Variants in CLPB observed in about 807,000 individuals in gnomAD.
The protein encoded by CLPB is ClpB family mitochondrial disaggregase, also known as mitochondrial disaggregase.
Under a neutral mutation model 78.4 loss-of-function variants are expected in CLPB, and 40 were observed. The ratio of observed to expected loss-of-function variants is 0.51; its 90% CI spans 0.40 to 0.66. The LOEUF is 0.66. Ranked by LOEUF, CLPB falls within the 30% of genes least tolerant of loss-of-function variation. The pLI is 0.00. For missense variants in CLPB, 780 were observed against 886.9 expected (o/e 0.88, Z 1.53); for synonymous variants, 333 against 348.0 (o/e 0.96, Z 0.48).
chr11:72,420,782 A>C (rs1856172632), intron 2 of CLPB, among the ~76,000 whole-genome samples: 1 of 152,216 alleles, frequency 6.6e-6, no homozygotes, highest in Admixed American at 6.5e-5. Flanking sequence ...CGTTTTTTAA[A>C]GCATCTCCAG....
At chr11:72,404,484 AC>A (rs2135088058) in intron 2 of CLPB, among the ~76,000 whole-genome samples, 1 of 152,366 alleles carries the variant, frequency 6.6e-6, no homozygotes, top group South Asian at 2.1e-4. Flanking sequence ...AACATCATGT[AC>A]TAAGGCTTCT....
At chr11:72,348,649 C>G (rs1190701253) in intron 5 of CLPB, among the ~76,000 whole-genome samples, 1 of 152,178 alleles carries the variant, frequency 6.6e-6, no homozygotes, top group Non-Finnish European at 1.5e-5. Context: ...GCTGTTAATT[C>G]TGGCCCTTGC....
chr11:72,365,505 G>A (rs1950926018), intron 4 of CLPB, among the ~76,000 whole-genome samples: 1 of 152,128 alleles, frequency 6.6e-6, no homozygotes, highest in African/African-American at 2.4e-5. Context: ...TGTCATAATA[G>A]TTTGCACAAC....
At position 72,287,729 on chromosome 11, in the gene CLPB, T is replaced by C. The variant is rs1422021793; in HGVS notation, c.*5638A>G. 1 of 152,244 alleles carries C rather than the reference T, an allele frequency of 6.6e-6. No individual in the cohort carries two copies. Among genetic ancestry groups the C allele is most frequent in the Non-Finnish European group, 1.5e-5 (1 of 68,048 alleles). The allele number at this position is 152,244 out of a possible 1,614,324, so 9.4% of individuals were successfully genotyped here. On this transcript the variant is annotated 3_prime_UTR_variant, in exon 16 of 16. Coordinates refer to ENST00000538039, the MANE Select transcript of CLPB (RefSeq NM_001258392.3). ...TCTTCTTGGGTAACCAACTGGCCTATTCAAACTATTTCTAGGATCAGTGTT... is the reference window on the plus strand; with the variant it reads ...TCTTCTTGGGTAACCAACTGGCCTACTCAAACTATTTCTAGGATCAGTGTT...
rs145227745 is a variant in CLPB at position 72,299,551 on chromosome 11, T to G, written c.1329+2252A>C. 3.2e-3 allele frequency among the ~76,000 whole-genome samples: 489 copies of G among 152,046 alleles called. 4 individuals carry two copies. Among genetic ancestry groups the G allele is most frequent in the African/African-American group, 0.011 (466 of 41,466 alleles). ...TTTCATGCCCTGTACTTTTATACAT[T>G]AGGTTTCTACTGCCAGCCCCGCCAC... On this transcript the variant is annotated intron_variant, in intron 11 of 15. Coordinates refer to ENST00000538039, the MANE Select transcript of CLPB (RefSeq NM_001258392.3).
intron 5 of CLPB, among the ~76,000 whole-genome samples, chr11:72,345,694 C>T (rs541631394): frequency 1.3e-5 from 2 of 152,052 alleles, no homozygotes; most frequent in African/African-American, 2.4e-5. Flanking sequence ...AATCAGGATA[C>T]GTAGGGGAGA....
chr11:72,293,131 T>C lies in CLPB; in HGVS notation c.*236A>G. 2 of 488,626 alleles carry C rather than the reference T, an allele frequency of 4.1e-6. No individual in the cohort carries two copies. Among genetic ancestry groups the C allele is most frequent in the Non-Finnish European group, 7.3e-6 (2 of 272,594 alleles). The allele number at this position is 488,626 out of a possible 1,614,324, so 30.3% of individuals were successfully genotyped here. A position where few individuals can be genotyped will look rare whatever the true frequency, so the allele number is the denominator to read the frequency against. Reference sequence around the variant, plus strand: ...TTGAAGGGGGTGGAAAGGCAGCTCCTCTCCTGAAGGCTTGTTAGCAGGTTA... The same window carrying C: ...TTGAAGGGGGTGGAAAGGCAGCTCCCCTCCTGAAGGCTTGTTAGCAGGTTA... On this transcript the variant is annotated 3_prime_UTR_variant, in exon 16 of 16. Coordinates refer to ENST00000538039, the MANE Select transcript of CLPB (RefSeq NM_001258392.3).
At chr11:72,344,174 AC>A (rs1156745904) in intron 5 of CLPB, among the ~76,000 whole-genome samples, 2 of 152,160 alleles carry the variant, frequency 1.3e-5, no homozygotes, top group Non-Finnish European at 2.9e-5. Context: ...TATACTGCTG[AC>A]CAATCTTGCC....
At chr11:72,299,957 G>A (rs1949625641) in intron 11 of CLPB, among the ~76,000 whole-genome samples, 1 of 152,130 alleles carries the variant, frequency 6.6e-6, no homozygotes. Context: ...TGTTTTTTGG[G>A]CCAAGAATGC....
intron 2 of CLPB, among the ~76,000 whole-genome samples, chr11:72,420,068 AGGC>A (rs1358627450): frequency 6.6e-6 from 1 of 152,246 alleles, no homozygotes; most frequent in Non-Finnish European, 1.5e-5. Flanking sequence ...ACTTTTAGCC[AGGC>A]GTGGTGGCTC....
intron 6 of CLPB, among the ~76,000 whole-genome samples, chr11:72,324,360 G>C (rs1461148553): frequency 6.6e-6 from 1 of 152,128 alleles, no homozygotes; most frequent in Admixed American, 6.5e-5. Context: ...TTGAGGCCAG[G>C]AGTTTGAGAC....
In CLPB at chr11:72,294,373, C is replaced by T; in HGVS notation, c.1632G>A (p.Ser544=). The T allele has an allele frequency of 3.7e-6, 6 of 1,614,216 alleles. No individual in the cohort carries two copies. Among genetic ancestry groups the T allele is most frequent in the South Asian group, 1.1e-5 (1 of 91,082 alleles). ...EIVYFLPFCH[S]ELIQLVNKEL... is the part of the protein sequence containing the mutation. ...CCTTGTTGACGAGTTGGATGAGCTC[C>T]GAGTGGCAGAAGGGGAGGAAGTAGA... Residue 544 remains serine (S), a synonymous_variant, in exon 14 of 16, where the codon TCG becomes TCA. Transcript: ENST00000538039.
chr11:72,367,178 T>TATATAATAAATATATTA (rs1950960471), intron 4 of CLPB, among the ~76,000 whole-genome samples: 1 of 152,110 alleles, frequency 6.6e-6, no homozygotes, highest in Non-Finnish European at 1.5e-5. Context: ...TATTATTATT[T>TATATAATAAATATATTA]TTTGAGATGG....
At chr11:72,357,700 GAAAAAAA>G (rs747456359) in intron 5 of CLPB, among the ~76,000 whole-genome samples, 3 of 43,882 alleles carry the variant, frequency 6.8e-5, no homozygotes, top group East Asian at 6.1e-4. Flanking sequence ...CCGTGTCCCA[GAAAAAAA>G]AAAAAAAAAA....
At chr11:72,396,721 C>T (rs1371988732) in intron 3 of CLPB, among the ~76,000 whole-genome samples, 1 of 152,064 alleles carries the variant, frequency 6.6e-6, no homozygotes, top group Non-Finnish European at 1.5e-5. Context: ...TCTTCATTCC[C>T]TACTAAAAAT....
chr11:72,306,980 T>A (rs1344126143), intron 9 of CLPB, among the ~76,000 whole-genome samples: 1 of 152,204 alleles, frequency 6.6e-6, no homozygotes, highest in African/African-American at 2.4e-5. Flanking sequence ...ATTCCTATTT[T>A]ACAGATGAAG....
intron 7 of CLPB, among the ~76,000 whole-genome samples, chr11:72,309,470 C>T (rs927202161): frequency 2.0e-5 from 3 of 152,148 alleles, no homozygotes; most frequent in Non-Finnish European, 4.4e-5. Flanking sequence ...ATGCACTGAA[C>T]ATGCTGTATG....
rs555302777 is a variant in CLPB, at chr11:72,404,209, A to G, written c.456-1157T>C. Among the ~76,000 whole-genome samples, 4 of 152,318 alleles carry G rather than the reference A, an allele frequency of 2.6e-5. No individual in the cohort carries two copies. In the East Asian group the frequency reaches 7.7e-4, roughly 29 times the overall value. On this transcript the variant is annotated intron_variant, in intron 2 of 15. Coordinates refer to ENST00000538039, the MANE Select transcript of CLPB (RefSeq NM_001258392.3). Reference sequence around the variant, plus strand: ...TATGACATGCACTTGGTCCCCTGCTAGATTCTGGATGAGGGTGAGGAGAAG... The same window carrying G: ...TATGACATGCACTTGGTCCCCTGCTGGATTCTGGATGAGGGTGAGGAGAAG...
At chr11:72,339,441 C>A (rs1234236710) in intron 5 of CLPB, among the ~76,000 whole-genome samples, 1 of 152,164 alleles carries the variant, frequency 6.6e-6, no homozygotes, top group Non-Finnish European at 1.5e-5. Context: ...CCCTGAGAAG[C>A]AGATTTTGGC....
Sources: allele counts gnomAD v4.1 joint callset (sites outside exome capture counted in the v4.1 genomes callset), GRCh38; gene constraint gnomAD v4.1.1; transcripts MANE v1.5; gene names NCBI Gene and HGNC (gene_info 2026-07-23, HGNC 2026-07-21).